The following SENP7 variants were observed in gnomAD, a reference collection of about 807,000 sequenced individuals.
SENP7 encodes the protein SUMO specific peptidase 7.
A neutral mutation model predicts 141.2 loss-of-function variants in SENP7; 64 were observed. The ratio of observed to expected loss-of-function variants is 0.45; its 90% confidence interval spans 0.37 to 0.56. SENP7 has a LOEUF of 0.56. Ranked by LOEUF, SENP7 falls within the 20% of genes least tolerant of loss-of-function variation. The probability of loss-of-function intolerance (pLI) is 0.00; values close to 1 mark genes in which losing one functional copy is unlikely to be tolerated. For missense variants in SENP7, 1,025 were observed against 1,212.2 expected (o/e 0.85, Z 2.29); for synonymous variants, 382 against 426.4 (o/e 0.90, Z 1.28).
At chr3:101,347,676 A>T in intron 13 of SENP7, 196 bp downstream of exon 13, 2 of 306,234 alleles carry the variant, frequency 6.5e-6, no homozygotes, top group Non-Finnish European at 1.2e-5. Context: ...GAGCAGAGAT[A>T]GTGCCACTGC....
At chr3:101,500,433 T>A (rs2065333212) in intron 2 of SENP7, among the ~76,000 whole-genome samples, 1 of 152,010 alleles carries the variant, frequency 6.6e-6, no homozygotes, top group Non-Finnish European at 1.5e-5. Flanking sequence ...GGCACATCCC[T>A]GTATTCCCAG....
At position 101,501,071 on chromosome 3, in the gene SENP7, T is replaced by A. The variant is rs1291169550; in HGVS notation, c.89A>T (p.Glu30Val). ...KRKKSSSDLS[E>V]IRKMLNAKPE... ...GTTAAAAGCAAAACAAATGCATACC[T>A]CCGATAAATCAGAAGATGACTTTTT... The change falls in exon 2 of 24, where the codon GAG becomes GTG. Residue 30 changes from glutamate to valine, a missense_variant and splice_region_variant. Around this residue, in one of 4 missense-constraint regions of SENP7, gnomAD observed 496 missense variants for 503.5 expected, o/e 0.99. Transcript: ENST00000394095. 6.2e-7 allele frequency: 1 copy of A among 1,600,066 alleles called. No individual in the cohort carries two copies. Among genetic ancestry groups the A allele is most frequent in the Non-Finnish European group, 8.5e-7 (1 of 1,170,064 alleles).
chr3:101,359,018 A>G (rs1297099825), intron 11 of SENP7: 1 of 152,202 alleles, frequency 6.6e-6, no homozygotes, highest in Non-Finnish European at 1.5e-5. Context: ...CAGTACTTGT[A>G]CAAACACCTC....
chr3:101,365,013 T>A (rs1240218350), intron 9 of SENP7, 22 bp from the exon 10 acceptor site: 1 of 1,374,366 alleles, frequency 7.3e-7, no homozygotes, highest in Non-Finnish European at 9.6e-7. Flanking sequence ...AAGAAAAATG[T>A]ATTTTTGTTT....
At chr3:101,342,531 C>T (rs949843548) in intron 14 of SENP7, among the ~76,000 whole-genome samples, 2 of 152,130 alleles carry the variant, frequency 1.3e-5, no homozygotes, top group Non-Finnish European at 2.9e-5. Flanking sequence ...AATACAATGA[C>T]CAAAACTAAA....
chr3:101,342,279 G>A (rs941619788), intron 14 of SENP7, among the ~76,000 whole-genome samples: 8 of 152,116 alleles, frequency 5.3e-5, no homozygotes, highest in Admixed American at 1.3e-4. Context: ...GGCCAAACCC[G>A]TGTATGTGCA....
At chr3:101,458,717 A>G (rs1276894576) in intron 4 of SENP7, 2 of 335,894 alleles carry the variant, frequency 6.0e-6, no homozygotes, top group Non-Finnish European at 1.1e-5. Flanking sequence ...CAGTCTATGT[A>G]TAACTCTTGC....
At chr3:101,444,679 G>A (rs969714646) in intron 4 of SENP7, among the ~76,000 whole-genome samples, 8 of 148,068 alleles carry the variant, frequency 5.4e-5, no homozygotes, top group Non-Finnish European at 8.9e-5. Context: ...ACTCATAGGT[G>A]GGAATTGAAC....
intron 12 of SENP7, among the ~76,000 whole-genome samples, chr3:101,351,325 C>T (rs1293548978): frequency 6.6e-6 from 1 of 151,850 alleles, no homozygotes; most frequent in African/African-American, 2.4e-5. Flanking sequence ...TGCTTCTTTT[C>T]TTATAGTTAC....
chr3:101,328,371 A>G, intron 22 of SENP7, 107 bp downstream of exon 22: 1 of 696,800 alleles, frequency 1.4e-6, no homozygotes, highest in Non-Finnish European at 2.5e-6. Context: ...TGAAATAGAT[A>G]ATAAAATATA....
chr3:101,511,610 G>A (rs2065860998), intron 1 of SENP7, among the ~76,000 whole-genome samples: 2 of 152,140 alleles, frequency 1.3e-5, no homozygotes, highest in Non-Finnish European at 2.9e-5. Context: ...TGCTTTCAAA[G>A]GAAAAAACTA....
intron 6 of SENP7, among the ~76,000 whole-genome samples, chr3:101,386,734 G>C (rs773408872): frequency 2.0e-5 from 3 of 152,222 alleles, no homozygotes; most frequent in Non-Finnish European, 4.4e-5. Context: ...AGGAGTCAAA[G>C]CATGTTCTCC....
chr3:101,402,509 C>A (rs1009515180), intron 5 of SENP7, among the ~76,000 whole-genome samples: 3 of 147,338 alleles, frequency 2.0e-5, no homozygotes, highest in Admixed American at 7.3e-5. Context: ...GTAGTCCCAG[C>A]TACTTCAGAG....
intron 6 of SENP7, among the ~76,000 whole-genome samples, chr3:101,388,571 G>A (rs2060724226): frequency 6.6e-6 from 1 of 151,940 alleles, no homozygotes; most frequent in Admixed American, 6.6e-5. Flanking sequence ...ATCAATGTAA[G>A]AACATAAGAA....
chr3:101,454,774 T>C (rs1191513906), intron 4 of SENP7, among the ~76,000 whole-genome samples: 1 of 152,194 alleles, frequency 6.6e-6, no homozygotes, highest in Non-Finnish European at 1.5e-5. Context: ...TCTGTCTATA[T>C]GAAATGTCCA....
At chr3:101,399,575 C>T (rs769587624) in intron 5 of SENP7, among the ~76,000 whole-genome samples, 1 of 152,200 alleles carries the variant, frequency 6.6e-6, no homozygotes, top group East Asian at 1.9e-4. Context: ...ATGGTGATAA[C>T]ATATATGCTA....
intron 8 of SENP7, among the ~76,000 whole-genome samples, 168 bp downstream of exon 8, chr3:101,367,662 A>G (rs2060072985): frequency 6.6e-6 from 1 of 152,172 alleles, no homozygotes; most frequent in South Asian, 2.1e-4. Flanking sequence ...TCACCAAGAA[A>G]AGTTACATTT....
intron 5 of SENP7, among the ~76,000 whole-genome samples, chr3:101,411,176 T>C (rs968211480): frequency 3.3e-5 from 5 of 152,204 alleles, no homozygotes; most frequent in African/African-American, 1.2e-4. Context: ...TTCAATGAGA[T>C]AATAGATGGA....
chr3:101,473,196 T>C (rs1365415033), intron 3 of SENP7, among the ~76,000 whole-genome samples: 1 of 152,190 alleles, frequency 6.6e-6, no homozygotes, highest in East Asian at 1.9e-4. Context: ...AATAAACATA[T>C]GTGTGCATGT....
Sources: allele counts gnomAD v4.1 joint callset (sites outside exome capture counted in the v4.1 genomes callset), GRCh38; gene constraint gnomAD v4.1.1; regional missense constraint gnomAD v4.1.1; transcripts MANE v1.5; gene names NCBI Gene and HGNC (gene_info 2026-07-23, HGNC 2026-07-21).